The following BNC2 variants were observed in gnomAD, a reference collection of about 807,000 sequenced individuals.
The protein encoded by BNC2 is basonuclin zinc finger protein 2.
Under a neutral mutation model 76.3 loss-of-function variants are expected in BNC2, and 20 were observed. That is an observed-to-expected ratio of 0.26 (90% confidence interval 0.18 to 0.38). The LOEUF is 0.38. Among genes scored for constraint, BNC2 ranks in the 10% least tolerant of loss-of-function variants. BNC2 has a pLI of 1.00. For missense variants in BNC2, 1,382 were observed against 1,399.8 expected, an observed-to-expected ratio of 0.99 and a Z score of 0.20; for synonymous variants, 582 against 514.8, an observed-to-expected ratio of 1.13 and a Z score of -1.77.
chr9:16,532,965 T>C (rs1200459032), intron 5 of BNC2, among the ~76,000 whole-genome samples: 1 of 152,230 alleles, frequency 6.6e-6, no homozygotes, highest in African/African-American at 2.4e-5. Context: ...TAGAAAGCTA[T>C]TGTAATGCTA....
intron 6 of BNC2, among the ~76,000 whole-genome samples, chr9:16,433,076 C>T (rs1052843980): frequency 1.3e-5 from 2 of 152,198 alleles, no homozygotes; most frequent in African/African-American, 4.8e-5. Flanking sequence ...CAGGAAGAGG[C>T]AGGCACCCCA....
chr9:16,509,036 C>T (rs1292603875), intron 5 of BNC2, among the ~76,000 whole-genome samples: 2 of 151,862 alleles, frequency 1.3e-5, no homozygotes, highest in East Asian at 3.9e-4. Flanking sequence ...TACTATGTTG[C>T]CCAGGCTGGT....
At chr9:16,746,345 A>G (rs1825003333) in intron 1 of BNC2, among the ~76,000 whole-genome samples, 1 of 151,882 alleles carries the variant, frequency 6.6e-6, no homozygotes, top group African/African-American at 2.4e-5. Flanking sequence ...TATGAATCTT[A>G]TTAAACTCGT....
intron 6 of BNC2, among the ~76,000 whole-genome samples, chr9:16,426,039 G>A (rs1490015668): frequency 6.6e-6 from 1 of 152,196 alleles, no homozygotes; most frequent in African/African-American, 2.4e-5. Flanking sequence ...ACTGTGAACA[G>A]GATTATGTTT....
intron 1 of BNC2, among the ~76,000 whole-genome samples, chr9:16,830,410 A>C (rs77574390): frequency 1.2e-4 from 18 of 152,224 alleles, no homozygotes; most frequent in African/African-American, 4.3e-4. Context: ...ACATCCTCTT[A>C]TACTTGAAAT....
chr9:16,550,729 T>A (rs887190699), intron 5 of BNC2, among the ~76,000 whole-genome samples: 3 of 152,132 alleles, frequency 2.0e-5, no homozygotes, highest in Non-Finnish European at 1.5e-5. Context: ...AATACAATAT[T>A]AATGACAGAA....
intron 3 of BNC2, among the ~76,000 whole-genome samples, chr9:16,693,081 G>T (rs1823224055): frequency 8.6e-6 from 1 of 116,890 alleles, no homozygotes; most frequent in African/African-American, 3.4e-5. Flanking sequence ...AGTGAGCCGA[G>T]ATCTCACCAC....
At chr9:16,573,078 A>T (rs1265437858) in intron 4 of BNC2, among the ~76,000 whole-genome samples, 2 of 151,966 alleles carry the variant, frequency 1.3e-5, no homozygotes, top group Non-Finnish European at 2.9e-5. Context: ...AAATACAAAA[A>T]TTAGCTGGGC....
intron 3 of BNC2, among the ~76,000 whole-genome samples, chr9:16,670,182 A>G (rs1822433429): frequency 6.6e-6 from 1 of 152,210 alleles, no homozygotes; most frequent in Non-Finnish European, 1.5e-5. Context: ...AACTATACCT[A>G]TTCGGGTTCC....
intron 3 of BNC2, among the ~76,000 whole-genome samples, chr9:16,660,679 C>T (rs1244026579): frequency 2.0e-5 from 3 of 151,910 alleles, no homozygotes; most frequent in African/African-American, 4.8e-5. Flanking sequence ...GACTGCTATA[C>T]AATAGGCCCT....
intron 1 of BNC2, among the ~76,000 whole-genome samples, chr9:16,802,562 G>C (rs746888539): frequency 6.6e-6 from 1 of 152,210 alleles, no homozygotes. Context: ...AGAAGCTTCA[G>C]GTCTTATGTT....
intron 1 of BNC2, among the ~76,000 whole-genome samples, chr9:16,777,818 C>T (rs572473372): frequency 1.3e-5 from 2 of 152,058 alleles, no homozygotes; most frequent in East Asian, 3.9e-4. Flanking sequence ...ACCTAAATGT[C>T]CTCCCAAAGA....
chr9:16,786,941 G>C (rs1456576205), intron 1 of BNC2, among the ~76,000 whole-genome samples: 2 of 152,196 alleles, frequency 1.3e-5, no homozygotes, highest in African/African-American at 2.4e-5. Context: ...GGACTGGAAA[G>C]AGCAAAAGAT....
chr9:16,732,598 G>A (rs1213083051), intron 2 of BNC2, among the ~76,000 whole-genome samples: 1 of 152,112 alleles, frequency 6.6e-6, no homozygotes, highest in African/African-American at 2.4e-5. Flanking sequence ...TAATTCCCTG[G>A]GTTGAGTTCA....
rs116095199 is a variant in BNC2, at chr9:16,414,364, C to A, written c.*4625G>T. 283 of 152,300 alleles carry A rather than the reference C, an allele frequency of 1.9e-3. 3 individuals carry two copies. The highest frequency in any genetic ancestry group is 6.3e-3 in the African/African-American group (261 of 41,582). The allele number at this position is 152,300 out of a possible 1,614,324, so 9.4% of individuals were successfully genotyped here. A position where few individuals can be genotyped will look rare whatever the true frequency, so the allele number is the denominator to read the frequency against. ...TTCTGATGAAAACACTGTGATCCCT[C>A]CAGTCTTTCTGGTATCTTTTATTGC... On this transcript the variant is annotated 3_prime_UTR_variant, in exon 7 of 7. Coordinates refer to ENST00000380672, the MANE Select transcript of BNC2 (RefSeq NM_017637.6).
At chr9:16,535,381 T>C (rs1304069624) in intron 5 of BNC2, among the ~76,000 whole-genome samples, 1 of 152,360 alleles carries the variant, frequency 6.6e-6, no homozygotes, top group South Asian at 2.1e-4. Flanking sequence ...ATGAATGTCC[T>C]ATGTTCACTA....
At chr9:16,672,115 GAAACAGGGAGATCTGGGGCACTCCTATGA>G (rs1822494760) in intron 3 of BNC2, among the ~76,000 whole-genome samples, 1 of 152,194 alleles carries the variant, frequency 6.6e-6, no homozygotes, top group South Asian at 2.1e-4. Context: ...AATCACAGGT[GAAACAGGGAGATCTGGGGCACTCCTATGA>G]AGATGAGACA....
intron 3 of BNC2, among the ~76,000 whole-genome samples, chr9:16,705,879 T>G (rs1349228522): frequency 1.3e-5 from 2 of 152,188 alleles, no homozygotes; most frequent in African/African-American, 4.8e-5. Context: ...TCAAAGGGAT[T>G]GAATCCTAAA....
At chr9:16,468,053 T>G (rs1253828629) in intron 5 of BNC2, among the ~76,000 whole-genome samples, 2 of 149,408 alleles carry the variant, frequency 1.3e-5, no homozygotes, top group East Asian at 3.9e-4. Flanking sequence ...TTTTTTTTTT[T>G]TTTTTTGAGA....
Sources: gnomAD v4.1 joint callset for allele counts (sites outside exome capture counted in the v4.1 genomes callset) on GRCh38, gnomAD v4.1.1 for gene constraint, MANE v1.5 for transcripts, NCBI Gene and HGNC (gene_info 2026-07-23, HGNC 2026-07-21) for gene names.